The following RABGAP1L variants were observed in gnomAD, a reference collection of about 807,000 sequenced individuals.
The protein encoded by RABGAP1L is RAB GTPase activating protein 1 like, also known as rab GTPase-activating protein 1-like.
RABGAP1L carries 63 observed loss-of-function variants against 137.7 expected under a neutral mutation model. That is an observed-to-expected ratio of 0.46 (90% CI 0.37 to 0.56). The LOEUF is 0.56. RABGAP1L is among the 20% of genes least tolerant of loss of function. The probability of loss-of-function intolerance (pLI) is 0.00; values close to 1 mark genes in which losing one functional copy is unlikely to be tolerated. For synonymous variants in RABGAP1L, 431 were observed against 433.7 expected (o/e 0.99, Z 0.08); for missense variants, 1,095 against 1,244.0 (o/e 0.88, Z 1.80).
intron 16 of RABGAP1L, chr1:174,700,622 G>A (rs1679575334): frequency 6.4e-6 from 1 of 156,144 alleles, no homozygotes; most frequent in African/African-American, 2.4e-5. Context: ...TTGGGAGAAG[G>A]GAATGTAGGA....
At chr1:174,683,815 T>G (rs913019002) in intron 15 of RABGAP1L, among the ~76,000 whole-genome samples, 3 of 152,212 alleles carry the variant, frequency 2.0e-5, no homozygotes, top group Non-Finnish European at 2.9e-5. Flanking sequence ...AAGGATAAAT[T>G]GCTTATTTGG....
At chr1:174,871,591 GT>G (rs1170746248) in intron 19 of RABGAP1L, among the ~76,000 whole-genome samples, 2 of 152,234 alleles carry the variant, frequency 1.3e-5, no homozygotes, top group Non-Finnish European at 2.9e-5. Flanking sequence ...TGGAAAGGGA[GT>G]TATCCAGGCT....
chr1:174,234,666 G>A (rs1446940773), intron 4 of RABGAP1L, among the ~76,000 whole-genome samples: 1 of 151,370 alleles, frequency 6.6e-6, no homozygotes, highest in Non-Finnish European at 1.5e-5. Flanking sequence ...TTTGGTTACT[G>A]TAGCCTTGTA....
At chr1:174,652,975 T>G (rs1399437798) in intron 14 of RABGAP1L, among the ~76,000 whole-genome samples, 4 of 152,198 alleles carry the variant, frequency 2.6e-5, no homozygotes, top group African/African-American at 9.6e-5. Context: ...GCTGCTGCCT[T>G]TCTTTCAGAG....
intron 20 of RABGAP1L, among the ~76,000 whole-genome samples, chr1:174,966,366 G>A: frequency 6.6e-6 from 1 of 152,090 alleles, no homozygotes; most frequent in Non-Finnish European, 1.5e-5. Context: ...CTCTTCCCTG[G>A]CTAAGCAGCC....
At chr1:174,809,994 G>A (rs915847677) in intron 18 of RABGAP1L, among the ~76,000 whole-genome samples, 1 of 152,222 alleles carries the variant, frequency 6.6e-6, no homozygotes, top group Non-Finnish European at 1.5e-5. Flanking sequence ...AGAAATCTGA[G>A]ATGTACTGGA....
At chr1:174,386,698 G>A (rs1201871110) in intron 12 of RABGAP1L, among the ~76,000 whole-genome samples, 4 of 151,898 alleles carry the variant, frequency 2.6e-5, no homozygotes, top group Admixed American at 6.6e-5. Context: ...TAGTAGAGAC[G>A]GAGTTTCACC....
chr1:174,653,293 C>G (rs142842109), intron 14 of RABGAP1L, among the ~76,000 whole-genome samples: 1 of 152,206 alleles, frequency 6.6e-6, no homozygotes, highest in African/African-American at 2.4e-5. Flanking sequence ...AGCCCCCTTT[C>G]CAGGGGAGTG....
intron 13 of RABGAP1L, among the ~76,000 whole-genome samples, chr1:174,481,030 T>C (rs1308514560): frequency 6.6e-6 from 1 of 152,210 alleles, no homozygotes; most frequent in Non-Finnish European, 1.5e-5. Flanking sequence ...GATTTTTTAC[T>C]CTCACCTTTC....
chr1:174,540,071 T>G (rs1204523955), intron 13 of RABGAP1L, among the ~76,000 whole-genome samples: 1 of 152,230 alleles, frequency 6.6e-6, no homozygotes, highest in Admixed American at 6.5e-5. Context: ...TCATGTGTCT[T>G]TTGGCTGCAT....
chr1:174,861,279 T>A (rs1650221322), intron 19 of RABGAP1L, among the ~76,000 whole-genome samples: 1 of 152,204 alleles, frequency 6.6e-6, no homozygotes, highest in Non-Finnish European at 1.5e-5. Context: ...TCCTTCTTTT[T>A]TATGACTGAA....
At chr1:174,372,758 A>G (rs902187620) in intron 12 of RABGAP1L, among the ~76,000 whole-genome samples, 7 of 152,202 alleles carry the variant, frequency 4.6e-5, no homozygotes, top group African/African-American at 1.7e-4. Context: ...ATAAGGTATT[A>G]GAGCCAATCA....
Position 174,432,787 on chromosome 1 carries a change from C to T in RABGAP1L, c.1710+38642C>T, listed in dbSNP as rs549880447. On this transcript the variant is annotated intron_variant, in intron 13 of 25. Coordinates refer to ENST00000681986, the MANE Select transcript of RABGAP1L (RefSeq NM_001366446.1). ...TCTTGACCTCGTGATCCACCTGCCTCGGCCTCTGAAAGTGCTAGTATTACA... is the reference window on the plus strand; with the variant it reads ...TCTTGACCTCGTGATCCACCTGCCTTGGCCTCTGAAAGTGCTAGTATTACA... 6.6e-5 allele frequency among the ~76,000 whole-genome samples: 10 copies of T among 152,274 alleles called. No homozygotes were observed. The South Asian group carries it at 1.5e-3, about 22-fold the overall frequency.
chr1:174,613,229 T>C (rs1319792714), intron 13 of RABGAP1L, among the ~76,000 whole-genome samples: 5 of 152,112 alleles, frequency 3.3e-5, no homozygotes, highest in African/African-American at 9.7e-5. Flanking sequence ...GTGCTTTGAA[T>C]GTGTCCCAGA....
chr1:174,428,336 G>A (rs1050341518), intron 13 of RABGAP1L, among the ~76,000 whole-genome samples: 1 of 152,138 alleles, frequency 6.6e-6, no homozygotes, highest in Non-Finnish European at 1.5e-5. Flanking sequence ...GGATGGAAAC[G>A]AGGTATGGGG....
At chr1:174,839,335 A>T (rs1030445976) in intron 19 of RABGAP1L, among the ~76,000 whole-genome samples, 1 of 152,152 alleles carries the variant, frequency 6.6e-6, no homozygotes, top group Non-Finnish European at 1.5e-5. Context: ...CCCCTCTCAC[A>T]TGCACATCCA....
In RABGAP1L at chr1:174,276,077, T is replaced by C. The variant is rs1674972083; in HGVS notation, c.1156+142T>C. The C allele has an allele frequency of 7.0e-6, 4 of 575,342 alleles. No individual in the cohort carries two copies. The Admixed American group carries it at 9.6e-5, about 14-fold the overall frequency. The allele number at this position is 575,342 out of a possible 1,614,324, so 35.6% of individuals were successfully genotyped here. Reference sequence around the variant, plus strand: ...GAATTTGAGGTTCATTTTTATTCTTTATGCTTCTATGGGGGAAATCTCCAC... The same window carrying C: ...GAATTTGAGGTTCATTTTTATTCTTCATGCTTCTATGGGGGAAATCTCCAC... On this transcript the variant is annotated intron_variant, in intron 9 of 25. Coordinates refer to ENST00000681986, the MANE Select transcript of RABGAP1L (RefSeq NM_001366446.1).
At chr1:174,684,401 G>A (rs1367009558) in intron 15 of RABGAP1L, among the ~76,000 whole-genome samples, 4 of 152,208 alleles carry the variant, frequency 2.6e-5, no homozygotes, top group Admixed American at 6.5e-5. Flanking sequence ...ATGTATGGAA[G>A]TATGATAGGG....
At chr1:174,622,365 A>G (rs1203527532) in intron 13 of RABGAP1L, among the ~76,000 whole-genome samples, 1 of 152,232 alleles carries the variant, frequency 6.6e-6, no homozygotes, top group Non-Finnish European at 1.5e-5. Flanking sequence ...TATATACCCA[A>G]AGGACTATAA....
Sources: gnomAD v4.1 joint callset for allele counts (sites outside exome capture counted in the v4.1 genomes callset) on GRCh38, gnomAD v4.1.1 for gene constraint, MANE v1.5 for transcripts, NCBI Gene and HGNC (gene_info 2026-07-23, HGNC 2026-07-21) for gene names.